The following MNDA variants were observed in gnomAD, a reference collection of about 807,000 sequenced individuals.
The protein encoded by MNDA is epididymis secretory sperm binding protein.
A neutral mutation model predicts 37.8 loss-of-function variants in MNDA; 43 were observed. The observed-to-expected ratio is 1.14, with a 90% CI of 0.89 to 1.47. MNDA has a LOEUF of 1.47. Ranked by LOEUF, MNDA falls within the 40% of genes most tolerant of loss-of-function variation. The probability of loss-of-function intolerance (pLI) is 0.00; values close to 1 mark genes in which losing one functional copy is unlikely to be tolerated. For missense variants in MNDA, 536 were observed against 476.0 expected, an observed-to-expected ratio of 1.13 and a Z score of -1.17; for synonymous variants, 181 against 169.0, an observed-to-expected ratio of 1.07 and a Z score of -0.55.
At chr1:158,842,659 T>A (rs1659054049) in intron 2 of MNDA, 1 of 346,186 alleles carries the variant, frequency 2.9e-6, no homozygotes, top group African/African-American at 2.1e-5. Context: ...AGACAGGGAT[T>A]TATGAGACGG....
Position 158,847,967 on chromosome 1 carries a change from G to T in MNDA, c.1176+51G>T, listed in dbSNP as rs1391476536. 1.9e-6 allele frequency: 3 copies of T among 1,564,438 alleles called. No homozygotes were observed. The South Asian group carries it at 3.6e-5, about 19-fold the overall frequency. ...GTTTGCTAAAGAGGCAAATAATTTTGCTTAGGCTTTGGGAACACCAGGTTC... is the reference window on the plus strand; with the variant it reads ...GTTTGCTAAAGAGGCAAATAATTTTTCTTAGGCTTTGGGAACACCAGGTTC... On this transcript the variant is annotated intron_variant, in intron 6 of 6. Transcript: ENST00000368141.
intron 1 of MNDA, 58 bp from the exon 2 acceptor site, chr1:158,842,076 C>T: frequency 1.4e-6 from 2 of 1,462,356 alleles, no homozygotes; most frequent in Non-Finnish European, 1.8e-6. Flanking sequence ...AAGCATATCT[C>T]ATTTTTTAAA....
At chr1:158,842,488 T>G in intron 2 of MNDA, 70 bp downstream of exon 2, 1 of 1,476,744 alleles carries the variant, frequency 6.8e-7, no homozygotes, top group Non-Finnish European at 9.2e-7. Flanking sequence ...AACCCCACCT[T>G]GGTCATAGCT....
At chr1:158,843,592 C>A (rs1484809802) in intron 3 of MNDA, among the ~76,000 whole-genome samples, 177 bp downstream of exon 3, 1 of 152,180 alleles carries the variant, frequency 6.6e-6, no homozygotes, top group South Asian at 2.1e-4. Flanking sequence ...ATTTCTGTGA[C>A]ATAAATATAT....
chr1:158,836,603 C>A (rs1202981846), intron 1 of MNDA, among the ~76,000 whole-genome samples: 1 of 151,686 alleles, frequency 6.6e-6, no homozygotes, highest in African/African-American at 2.4e-5. Context: ...TTATTTGAGT[C>A]TCCTTCTTTT....
intron 5 of MNDA, among the ~76,000 whole-genome samples, 153 bp from the exon 6 acceptor site, chr1:158,847,575 A>C (rs1454237880): frequency 6.6e-6 from 1 of 152,154 alleles, no homozygotes; most frequent in Non-Finnish European, 1.5e-5. Flanking sequence ...ATAATAAAAG[A>C]TGGACCCTGT....
At chr1:158,833,839 C>T (rs936931087) in intron 1 of MNDA, among the ~76,000 whole-genome samples, 1 of 152,178 alleles carries the variant, frequency 6.6e-6, no homozygotes, top group Non-Finnish European at 1.5e-5. Context: ...TTTGAGATCA[C>T]ACTTTCACTT....
chr1:158,839,596 A>G (rs1658989566), intron 1 of MNDA, among the ~76,000 whole-genome samples: 1 of 152,194 alleles, frequency 6.6e-6, no homozygotes, highest in Non-Finnish European at 1.5e-5. Context: ...CCTACAGAGA[A>G]GCTATAATGT....
At chr1:158,846,914 A>G (rs1253803073) in intron 5 of MNDA, among the ~76,000 whole-genome samples, 2 of 152,258 alleles carry the variant, frequency 1.3e-5, no homozygotes, top group Non-Finnish European at 2.9e-5. Context: ...GAAACACTAC[A>G]GAGTATGAAT....
At position 158,845,969 on chromosome 1, in the gene MNDA, G is replaced by A. The variant is rs142876368; in HGVS notation, c.953G>A (p.Gly318Glu). ...KISQLYKQASGTMVYGLFMLQ... is the reference protein window; with the variant it reads ...KISQLYKQASETMVYGLFMLQ... ...AGTCAACTTTACAAGCAAGCATCTG[G>A]AACAATGGTGTATGGGTTGTTTATG... is the stretch of plus-strand genomic sequence containing the variant. Residue 318 changes from glycine to glutamate, a missense_variant, in exon 5 of 7, where the codon GGA becomes GAA. Transcript: ENST00000368141. The A allele has an allele frequency of 6.2e-7, 1 of 1,613,754 alleles. No homozygotes were observed. The highest frequency in any genetic ancestry group is 1.3e-5 in the African/African-American group (1 of 74,890).
chr1:158,844,974 G>A (rs983205477), intron 4 of MNDA, among the ~76,000 whole-genome samples: 1 of 152,152 alleles, frequency 6.6e-6, no homozygotes, highest in Non-Finnish European at 1.5e-5. Flanking sequence ...TCATGCAGAA[G>A]ATCATGCTTT....
rs149242106 is a variant in MNDA, at chr1:158,847,801, G to C, written c.1061G>C (p.Gly354Ala). ...GGATCCATGGATGTAGTGGGGAGTG[G>C]AAAATGGCACAATATCAAGTGTGAG... ...NTGSMDVVGS[G>A]KWHNIKCEKG... The change falls in exon 6 of 7, where the codon GGA (glycine) becomes GCA (alanine). Residue 354 changes from glycine (G) to alanine (A), a missense_variant. Gly to Ala is a moderately conservative substitution (Grantham distance 60). Coordinates refer to ENST00000368141, the MANE Select transcript of MNDA (RefSeq NM_002432.3). 7.4e-6 allele frequency: 12 copies of C among 1,613,938 alleles called. No homozygotes were observed. Among genetic ancestry groups the C allele is most frequent in the Admixed American group, 1.7e-5 (1 of 60,000 alleles).
At chr1:158,842,474 G>A (rs1305483877) in intron 2 of MNDA, 56 bp downstream of exon 2, 1 of 1,537,626 alleles carries the variant, frequency 6.5e-7, no homozygotes, top group Non-Finnish European at 8.8e-7. Flanking sequence ...CCAGTCTTCA[G>A]TAGAACCCCA....
At chr1:158,846,129 T>C in intron 5 of MNDA, 126 bp downstream of exon 5, 1 of 936,794 alleles carries the variant, frequency 1.1e-6, no homozygotes, top group Non-Finnish European at 1.6e-6. Flanking sequence ...GTGATGAAGT[T>C]GTCCCACAAA....
At position 158,847,634 on chromosome 1, in the gene MNDA, C is replaced by T. The variant is rs146282158; in HGVS notation, c.988-94C>T. The T allele has an allele frequency of 2.1e-4, 245 of 1,180,916 alleles. No homozygotes were observed. The African/African-American group carries it at 3.1e-3, about 15-fold the overall frequency. The allele number at this position is 1,180,916 out of a possible 1,614,324, so 73.2% of individuals were successfully genotyped here. On this transcript the variant is annotated intron_variant, in intron 5 of 6. Transcript: ENST00000368141. ...TATGATCTGTACCTGTCATTCCTGT[C>T]GTGCATATTGCATTAACTTTGTCAT...
At chr1:158,844,197 T>A in intron 4 of MNDA, 75 bp downstream of exon 4, 2 of 1,290,248 alleles carry the variant, frequency 1.6e-6, no homozygotes, top group Non-Finnish European at 1.1e-6. Flanking sequence ...CTATTGTTAC[T>A]CTCATGCATA....
chr1:158,835,720 T>C (rs1368834502), intron 1 of MNDA, among the ~76,000 whole-genome samples: 1 of 152,024 alleles, frequency 6.6e-6, no homozygotes, highest in East Asian at 1.9e-4. Flanking sequence ...AGAGAAATGT[T>C]TTCAGTCTCT....
In MNDA at chr1:158,835,646, T is replaced by C. The variant is rs993190333; in HGVS notation, c.-21+4089T>C. Among the ~76,000 whole-genome samples, 7 of 149,962 alleles carry C rather than the reference T, an allele frequency of 4.7e-5. 1 individual carries two copies. The highest frequency in any genetic ancestry group is 4.6e-4 in the Admixed American group (7 of 15,078). On this transcript the variant is annotated intron_variant, in intron 1 of 6. Transcript: ENST00000368141. ...CGGGGGGTGGGTGTTAAACCCTCAG[T>C]ACTATCTCAAACAGAAGTGAACAAA...
chr1:158,839,843 G>A (rs72702933), intron 1 of MNDA, among the ~76,000 whole-genome samples: 17 of 152,210 alleles, frequency 1.1e-4, no homozygotes, highest in Non-Finnish European at 1.9e-4. Flanking sequence ...TCTTTATTTG[G>A]TGTTTCCATG....
Sources: gnomAD v4.1 joint callset for allele counts (sites outside exome capture counted in the v4.1 genomes callset) on GRCh38, gnomAD v4.1.1 for gene constraint, MANE v1.5 for transcripts, NCBI Gene and HGNC (gene_info 2026-07-23, HGNC 2026-07-21) for gene names.